SLC1A2: variants seen among roughly 807,000 people sequenced by gnomAD.
SLC1A2 encodes the protein solute carrier family 1 member 2.
Under a neutral mutation model 48.8 loss-of-function variants are expected in SLC1A2, and 15 were observed. The observed-to-expected ratio is 0.31, with a 90% CI of 0.21 to 0.47. The LOEUF is 0.47. Among genes scored for constraint, SLC1A2 ranks in the 20% least tolerant of loss-of-function variants. SLC1A2 has a pLI of 0.99. For synonymous variants in SLC1A2, 279 were observed against 272.6 expected, an observed-to-expected ratio of 1.02 and a Z score of -0.23; for missense variants, 502 against 730.5, an observed-to-expected ratio of 0.69 and a Z score of 3.61.
At chr11:35,345,480 C>T (rs889111567) in intron 1 of SLC1A2, among the ~76,000 whole-genome samples, 1 of 152,154 alleles carries the variant, frequency 6.6e-6, no homozygotes, top group Non-Finnish European at 1.5e-5. Context: ...ATGTGCAAGG[C>T]TCACTGGGCG....
At chr11:35,351,704 C>T (rs1038948952) in intron 1 of SLC1A2, among the ~76,000 whole-genome samples, 6 of 152,080 alleles carry the variant, frequency 3.9e-5, no homozygotes, top group African/African-American at 1.2e-4. Flanking sequence ...GGCACAATCT[C>T]GGCTCACTAC....
At chr11:35,305,375 G>T (rs117213554) in intron 5 of SLC1A2, among the ~76,000 whole-genome samples, 1 of 152,298 alleles carries the variant, frequency 6.6e-6, no homozygotes, top group Non-Finnish European at 1.5e-5. Context: ...CAAAATAGAT[G>T]CCAATCCTAT....
At chr11:35,300,800 G>A (rs1370843080) in intron 6 of SLC1A2, among the ~76,000 whole-genome samples, 3 of 152,288 alleles carry the variant, frequency 2.0e-5, no homozygotes, top group African/African-American at 4.8e-5. Flanking sequence ...AAGATCACTT[G>A]AGCCCAGAAG....
intron 1 of SLC1A2, among the ~76,000 whole-genome samples, chr11:35,349,911 C>T (rs1368615125): frequency 2.0e-5 from 3 of 152,104 alleles, no homozygotes; most frequent in African/African-American, 7.2e-5. Flanking sequence ...TGGTTAGAGA[C>T]CTATGTTCGG....
chr11:35,367,443 C>T (rs901095396), intron 1 of SLC1A2, among the ~76,000 whole-genome samples: 1 of 152,206 alleles, frequency 6.6e-6, no homozygotes, highest in Non-Finnish European at 1.5e-5. Flanking sequence ...TAAGTTCCGT[C>T]CCCAGCACTC....
chr11:35,287,624 A>G (rs1023519088), intron 7 of SLC1A2, among the ~76,000 whole-genome samples: 1 of 152,324 alleles, frequency 6.6e-6, no homozygotes, highest in Admixed American at 6.5e-5. Context: ...CTCATTAGCA[A>G]ATCAAAGACT....
chr11:35,413,151 A>G (rs994499662), intron 1 of SLC1A2, among the ~76,000 whole-genome samples: 2 of 152,204 alleles, frequency 1.3e-5, no homozygotes, highest in Admixed American at 1.3e-4. Flanking sequence ...GGCAGGTAAC[A>G]TGAGAAAAGT....
chr11:35,271,445 T>C (rs868427604), intron 9 of SLC1A2, among the ~76,000 whole-genome samples: 36 of 152,332 alleles, frequency 2.4e-4, no homozygotes, highest in Middle Eastern at 3.4e-3. Context: ...AACCAACTTT[T>C]AATGAATGGG....
intron 10 of SLC1A2, chr11:35,264,798 G>C (rs1950452950): frequency 6.6e-6 from 1 of 152,190 alleles, no homozygotes; most frequent in Admixed American, 6.5e-5. Flanking sequence ...GAAAAAGATA[G>C]TTGTGTAAAG....
At chr11:35,411,912 T>G (rs757082388) in intron 1 of SLC1A2, among the ~76,000 whole-genome samples, 7 of 152,120 alleles carry the variant, frequency 4.6e-5, no homozygotes, top group African/African-American at 7.2e-5. Flanking sequence ...GTTGCTGTCC[T>G]TCTTAAGGCA....
Position 35,257,335 on chromosome 11 carries a change from C to G in SLC1A2, c.*3559G>C, listed in dbSNP as rs1437799532. 1 of 152,170 alleles carries G rather than the reference C, an allele frequency of 6.6e-6. No individual in the cohort carries two copies. The highest frequency in any genetic ancestry group is 2.1e-4 in the South Asian group (1 of 4,836). 9.4% of individuals were successfully genotyped at this position (152,170 alleles called of 1,614,324 possible). On this transcript the variant is annotated 3_prime_UTR_variant, in exon 11 of 11. Coordinates refer to ENST00000278379, the MANE Select transcript of SLC1A2 (RefSeq NM_004171.4). ...GGCATTTTGGCACCCCTTCTTTCAG[C>G]TTTCATGAATATCCAGGCTGACTAG...
At chr11:35,326,232 C>A (rs937468881) in intron 1 of SLC1A2, among the ~76,000 whole-genome samples, 1 of 152,162 alleles carries the variant, frequency 6.6e-6, no homozygotes, top group African/African-American at 2.4e-5. Flanking sequence ...TCTTAGGACC[C>A]AACTACCAAG....
chr11:35,311,880 GA>G (rs2134865802), intron 4 of SLC1A2, among the ~76,000 whole-genome samples: 1 of 63,996 alleles, frequency 1.6e-5, no homozygotes. Context: ...AGGAGAGAGA[GA>G]GAGAGAGAGA....
intron 6 of SLC1A2, chr11:35,298,280 A>C (rs1374985807): frequency 1.3e-5 from 2 of 152,224 alleles, no homozygotes; most frequent in Non-Finnish European, 2.9e-5. Flanking sequence ...CCTGTACTGT[A>C]ACCGAAATAG....
intron 1 of SLC1A2, chr11:35,322,877 G>T: frequency 1.6e-6 from 1 of 634,626 alleles, no homozygotes; most frequent in South Asian, 1.9e-5. Flanking sequence ...GCTTTAAAAG[G>T]GCCTGAAACT....
At chr11:35,417,093 A>G (rs1855633660) in intron 1 of SLC1A2, among the ~76,000 whole-genome samples, 1 of 152,222 alleles carries the variant, frequency 6.6e-6, no homozygotes, top group Admixed American at 6.5e-5. Context: ...TAGATCCTAT[A>G]TTTGTTTCCC....
intron 1 of SLC1A2, chr11:35,371,099 G>T (rs1341590174): frequency 1.1e-6 from 1 of 950,056 alleles, no homozygotes; most frequent in Non-Finnish European, 1.2e-6. Flanking sequence ...TCCAGCACCT[G>T]TAGGCCAGGT....
At chr11:35,391,759 A>G (rs1268108618) in intron 1 of SLC1A2, among the ~76,000 whole-genome samples, 1 of 152,190 alleles carries the variant, frequency 6.6e-6, no homozygotes, top group African/African-American at 2.4e-5. Flanking sequence ...CCAAAATTTA[A>G]GCATCTTAAG....
intron 8 of SLC1A2, among the ~76,000 whole-genome samples, chr11:35,283,955 ACT>A (rs1420005717): frequency 6.6e-6 from 1 of 151,408 alleles, no homozygotes; most frequent in Non-Finnish European, 1.5e-5. Flanking sequence ...CCTGGCTCAT[ACT>A]CATAAGAGAC....
Sources: allele counts gnomAD v4.1 joint callset (sites outside exome capture counted in the v4.1 genomes callset), GRCh38; gene constraint gnomAD v4.1.1; transcripts MANE v1.5; gene names NCBI Gene and HGNC (gene_info 2026-07-23, HGNC 2026-07-21).